The following DCDC1 variants were observed in gnomAD, a reference collection of about 807,000 sequenced individuals.
DCDC1 encodes the protein doublecortin domain containing 1, also known as doublecortin domain-containing protein 1.
In DCDC1, 200 loss-of-function variants were observed where a neutral mutation model predicts 178.3. The ratio of observed to expected loss-of-function variants is 1.12; its 90% CI spans 1.00 to 1.26. The LOEUF is 1.26. DCDC1 is among the 50% of genes most tolerant of loss of function. The pLI is 0.00. For missense variants in DCDC1, 1,983 were observed against 1,749.2 expected (o/e 1.13, Z -2.38); for synonymous variants, 690 against 604.8 (o/e 1.14, Z -2.07).
chr11:31,160,738 A>G (rs553308549), intron 9 of DCDC1, among the ~76,000 whole-genome samples: 3 of 152,276 alleles, frequency 2.0e-5, no homozygotes, highest in Non-Finnish European at 4.4e-5. Context: ...AATGAAGGGC[A>G]TTTCTTTAAA....
intron 8 of DCDC1, among the ~76,000 whole-genome samples, chr11:31,248,980 A>T (rs1338793663): frequency 6.6e-6 from 1 of 152,170 alleles, no homozygotes; most frequent in Non-Finnish European, 1.5e-5. Flanking sequence ...AATATATTTC[A>T]TAATAAACTT....
chr11:31,148,209 A>AT lies in DCDC1; in HGVS notation c.1222-10426dup, dbSNP rs1244528503. On this transcript the variant is annotated intron_variant, in intron 9 of 38. Coordinates refer to ENST00000684477, the MANE Select transcript of DCDC1 (RefSeq NM_001387274.1). The stretch of plus-strand genomic sequence containing the variant: ...TGTGTAAGAGCTAGAATTTATTATT[A>AT]TAAAAAAAAAAAAAAAAAAAAAAAA... 9.8e-5 allele frequency among the ~76,000 whole-genome samples: 10 copies of AT among 101,714 alleles called. No individual in the cohort carries two copies. The South Asian group carries it at 1.6e-3, about 16-fold the overall frequency. 66.7% of individuals were successfully genotyped at this position (101,714 alleles called of 152,430 possible). A position where few individuals can be genotyped will look rare whatever the true frequency, so the allele number is the denominator to read the frequency against.
chr11:31,037,682 C>T (rs1954155451), intron 20 of DCDC1, among the ~76,000 whole-genome samples: 1 of 152,052 alleles, frequency 6.6e-6, no homozygotes, highest in African/African-American at 2.4e-5. Flanking sequence ...CCAGGATGGT[C>T]TCGATCTCCT....
intron 9 of DCDC1, among the ~76,000 whole-genome samples, chr11:31,225,222 G>A (rs1413440801): frequency 6.6e-6 from 1 of 152,080 alleles, no homozygotes; most frequent in Non-Finnish European, 1.5e-5. Context: ...AACTTGAATG[G>A]AGCTGGAGGT....
intron 7 of DCDC1, 102 bp from the exon 8 acceptor site, chr11:31,265,702 T>C (rs901626579): frequency 5.5e-5 from 24 of 433,162 alleles, no homozygotes; most frequent in Admixed American, 4.7e-4. Flanking sequence ...AATTATATTG[T>C]AAAATAAAAT....
intron 9 of DCDC1, among the ~76,000 whole-genome samples, chr11:31,211,835 C>G (rs1382779671): frequency 6.6e-6 from 1 of 152,074 alleles, no homozygotes; most frequent in Non-Finnish European, 1.5e-5. Flanking sequence ...GTAATCCCAG[C>G]ACTTTGGAAG....
At chr11:30,958,012 A>G (rs931892035) in intron 20 of DCDC1, among the ~76,000 whole-genome samples, 7 of 152,174 alleles carry the variant, frequency 4.6e-5, no homozygotes, top group African/African-American at 1.7e-4. Flanking sequence ...CACTGCTGTT[A>G]CATTTATAGT....
chr11:31,314,431 T>G (rs1948943530), intron 3 of DCDC1: 1 of 152,186 alleles, frequency 6.6e-6, no homozygotes, highest in African/African-American at 2.4e-5. Context: ...TGGCTTAAAA[T>G]AACATCTATT....
chr11:31,313,270 T>TAC (rs1948873072), intron 3 of DCDC1, among the ~76,000 whole-genome samples: 1 of 152,194 alleles, frequency 6.6e-6, no homozygotes, highest in Non-Finnish European at 1.5e-5. Flanking sequence ...ATGCTAGCCA[T>TAC]TACAATATGA....
At chr11:31,183,072 C>A (rs1043086713) in intron 9 of DCDC1, among the ~76,000 whole-genome samples, 4 of 152,098 alleles carry the variant, frequency 2.6e-5, no homozygotes, top group Non-Finnish European at 5.9e-5. Flanking sequence ...CATATATGCA[C>A]CCAATACAGG....
chr11:30,942,734 G>A (rs1361894985), intron 21 of DCDC1, among the ~76,000 whole-genome samples: 2 of 152,180 alleles, frequency 1.3e-5, no homozygotes, highest in African/African-American at 4.8e-5. Flanking sequence ...TGGCACTACT[G>A]AAGCACTGCT....
At chr11:31,339,600 C>A (rs1393369636) in intron 1 of DCDC1, among the ~76,000 whole-genome samples, 1 of 152,156 alleles carries the variant, frequency 6.6e-6, no homozygotes, top group Non-Finnish European at 1.5e-5. Flanking sequence ...TGAGACTAGT[C>A]TGTCCTGTTC....
intron 8 of DCDC1, among the ~76,000 whole-genome samples, chr11:31,256,479 T>C (rs371197730): frequency 6.6e-6 from 1 of 152,204 alleles, no homozygotes; most frequent in Non-Finnish European, 1.5e-5. Context: ...TGGGGTCAAA[T>C]TGGTCTAAAA....
chr11:30,921,355 A>C (rs763631534), intron 24 of DCDC1, among the ~76,000 whole-genome samples: 1 of 151,964 alleles, frequency 6.6e-6, no homozygotes, highest in Non-Finnish European at 1.5e-5. Flanking sequence ...AATTATACTA[A>C]TTTTTTTTCT....
chr11:31,257,721 T>C (rs7129634), intron 8 of DCDC1, among the ~76,000 whole-genome samples: 45,122 of 121,904 alleles, frequency 0.37, 7,504 homozygotes, highest in East Asian at 0.68. Context: ...CACACACACA[T>C]ACACACACAC....
At chr11:31,015,033 G>A (rs986494721) in intron 20 of DCDC1, among the ~76,000 whole-genome samples, 17 of 150,010 alleles carry the variant, frequency 1.1e-4, no homozygotes, top group Admixed American at 4.7e-4. Flanking sequence ...TGCCAGCTCC[G>A]CCTCCCAGTT....
At chr11:30,878,780 G>A (rs1942381467) in intron 37 of DCDC1, 69 bp from the exon 38 acceptor site, 20 of 1,444,688 alleles carry the variant, frequency 1.4e-5, no homozygotes, top group Non-Finnish European at 1.8e-5. Flanking sequence ...AAAAGTCCAG[G>A]ATGATGAAAA....
rs186703845 is a variant in DCDC1 at position 31,360,961 on chromosome 11, A to C, written c.-125+8736T>G. Reference sequence around the variant, plus strand: ...ATTAATACATTTGGAAATCTTAGCCAGTACCAAGATTATTAAATTGGGCTA... The same window carrying C: ...ATTAATACATTTGGAAATCTTAGCCCGTACCAAGATTATTAAATTGGGCTA... On this transcript the variant is annotated intron_variant, in intron 1 of 38. Coordinates refer to ENST00000684477, the MANE Select transcript of DCDC1 (RefSeq NM_001387274.1). Among the ~76,000 whole-genome samples, 296 of 152,318 alleles carry C rather than the reference A, an allele frequency of 1.9e-3. 2 individuals carry two copies. The highest frequency in any genetic ancestry group is 6.5e-3 in the African/African-American group (270 of 41,580).
intron 17 of DCDC1, among the ~76,000 whole-genome samples, chr11:31,082,315 C>G (rs289087): frequency 0.089 from 13,549 of 151,882 alleles, 809 homozygotes; most frequent in East Asian, 0.29. Context: ...TGATGATACT[C>G]TTATCACAAC....
Sources: gnomAD v4.1 joint callset for allele counts (sites outside exome capture counted in the v4.1 genomes callset) on GRCh38, gnomAD v4.1.1 for gene constraint, MANE v1.5 for transcripts, NCBI Gene and HGNC (gene_info 2026-07-23, HGNC 2026-07-21) for gene names.